DGKG: variants seen among roughly 807,000 people sequenced by gnomAD.
DGKG encodes the protein diacylglycerol kinase gamma.
DGKG carries 78 observed loss-of-function variants against 105.3 expected under a neutral mutation model. That is an observed-to-expected ratio of 0.74 (90% CI 0.62 to 0.89). The LOEUF (loss-of-function observed/expected upper bound fraction) is 0.89, where lower values mean the gene tolerates loss of function less well. Ranked by LOEUF, DGKG falls within the 40% of genes least tolerant of loss-of-function variation. The pLI, the probability that DGKG is intolerant of heterozygous loss-of-function variation, is 0.00. For synonymous variants in DGKG, 346 were observed against 367.1 expected, an observed-to-expected ratio of 0.94 and a Z score of 0.66; for missense variants, 958 against 1,020.1, an observed-to-expected ratio of 0.94 and a Z score of 0.83.
rs766223091 is a variant in DGKG at position 186,288,827 on chromosome 3, G to T, written c.427C>A (p.Pro143Thr). 1.9e-6 allele frequency: 3 copies of T among 1,610,184 alleles called. No individual in the cohort carries two copies. The highest frequency in any genetic ancestry group is 1.7e-6 in the Non-Finnish European group (2 of 1,178,192). Residue 143 changes from proline (P) to threonine (T), a missense_variant, in exon 6 of 25, where the codon CCC (proline) becomes ACC (threonine). Pro to Thr is a conservative substitution (Grantham distance 38). This residue lies in a region of DGKG where 643 missense variants were observed against 619.5 expected (regional missense o/e 1.04). Coordinates refer to ENST00000265022, the MANE Select transcript of DGKG (RefSeq NM_001346.3). ...APAEDQVAATPLEPPVPRSSS... is the reference protein window; with the variant it reads ...APAEDQVAATTLEPPVPRSSS... Reference sequence around the variant, plus strand: ...GACCGAGGGACGGGGGGTTCCAGGGGGGTCGCAGCCACTTGGTCTTCAGCT... The same window carrying T: ...GACCGAGGGACGGGGGGTTCCAGGGTGGTCGCAGCCACTTGGTCTTCAGCT...
chr3:186,160,611 T>C (rs1052192362), intron 24 of DGKG: 32 of 985,410 alleles, frequency 3.2e-5, no homozygotes, highest in Non-Finnish European at 3.9e-5. Flanking sequence ...AGAAGACAAT[T>C]TGATGTTCTG....
chr3:186,212,212 G>A (rs1204865342), intron 20 of DGKG, among the ~76,000 whole-genome samples: 4 of 152,186 alleles, frequency 2.6e-5, no homozygotes, highest in Non-Finnish European at 4.4e-5. Flanking sequence ...AGCCAGAGGT[G>A]GCAAATATCA....
intron 1 of DGKG, among the ~76,000 whole-genome samples, chr3:186,322,744 T>C (rs747925920): frequency 1.4e-4 from 21 of 152,156 alleles, no homozygotes; most frequent in Non-Finnish European, 2.8e-4. Context: ...TATTCAGATA[T>C]TCAGATGCCT....
At chr3:186,336,733 C>CAG (rs375563458) in intron 1 of DGKG, among the ~76,000 whole-genome samples, 8 of 150,558 alleles carry the variant, frequency 5.3e-5, no homozygotes, top group African/African-American at 1.2e-4. Flanking sequence ...GAGTATGAGA[C>CAG]AGAGAGAGAG....
intron 20 of DGKG, among the ~76,000 whole-genome samples, chr3:186,227,742 C>T (rs1719923850): frequency 6.6e-6 from 1 of 152,080 alleles, no homozygotes; most frequent in Admixed American, 6.5e-5. Flanking sequence ...TTTTTGAGAA[C>T]ATCTATTACC....
At chr3:186,290,462 TAACA>T (rs1477526570) in intron 5 of DGKG, among the ~76,000 whole-genome samples, 32 of 152,194 alleles carry the variant, frequency 2.1e-4, no homozygotes, top group African/African-American at 7.7e-4. Context: ...TAAAATGGGC[TAACA>T]GAGACCAGAT....
chr3:186,161,561 A>T, intron 24 of DGKG, 42 bp downstream of exon 24: 1 of 1,613,952 alleles, frequency 6.2e-7, no homozygotes, highest in Non-Finnish European at 8.5e-7. Context: ...GGGCTCAAAA[A>T]TAAGGCTTCT....
At chr3:186,348,722 T>C (rs1480212121) in intron 1 of DGKG, among the ~76,000 whole-genome samples, 1 of 152,104 alleles carries the variant, frequency 6.6e-6, no homozygotes, top group African/African-American at 2.4e-5. Context: ...AAGTGCTTGA[T>C]TTATAGGCAT....
At chr3:186,336,228 C>G (rs1320204542) in intron 1 of DGKG, among the ~76,000 whole-genome samples, 1 of 152,182 alleles carries the variant, frequency 6.6e-6, no homozygotes, top group African/African-American at 2.4e-5. Flanking sequence ...TGTCCTTTCC[C>G]TTCCACGAAG....
chr3:186,219,582 G>A (rs1030980508), intron 20 of DGKG, among the ~76,000 whole-genome samples: 4 of 152,162 alleles, frequency 2.6e-5, no homozygotes, highest in African/African-American at 9.7e-5. Context: ...TTCAAGGCGC[G>A]AGGTATTCCC....
At position 186,275,662 on chromosome 3, in the gene DGKG, G is replaced by A. The variant is rs747706147; in HGVS notation, c.795C>T (p.Gly265=). Residue 265 remains glycine (G), a splice_region_variant and synonymous_variant, in exon 10 of 25, where the codon GGC becomes GGT. Coordinates refer to ENST00000265022, the MANE Select transcript of DGKG (RefSeq NM_001346.3). ...LLVLLGMDDS[G]SKGDGRHAWT... ...AGGCGTGCCGCCCATCCCCCTTGGAGCCCTGCAGGGGTAATAGGAGGTGAG... is the reference window on the plus strand; with the variant it reads ...AGGCGTGCCGCCCATCCCCCTTGGAACCCTGCAGGGGTAATAGGAGGTGAG... 2 of 1,613,288 alleles carry A rather than the reference G, an allele frequency of 1.2e-6. No homozygotes were observed. The highest frequency in any genetic ancestry group is 2.2e-5 in the South Asian group (2 of 91,000).
chr3:186,299,835 T>TTCTTTCTC (rs1723822014), intron 3 of DGKG, among the ~76,000 whole-genome samples: 1 of 113,204 alleles, frequency 8.8e-6, no homozygotes, highest in African/African-American at 3.4e-5. Context: ...CTTTCTTTCT[T>TTCTTTCTC]TCTTTTTTTT....
At chr3:186,327,122 C>T (rs1358647378) in intron 1 of DGKG, among the ~76,000 whole-genome samples, 1 of 152,096 alleles carries the variant, frequency 6.6e-6, no homozygotes, top group Non-Finnish European at 1.5e-5. Context: ...TATAATTGCA[C>T]CATTGCACTC....
At chr3:186,169,088 C>G (rs1417185686) in intron 22 of DGKG, among the ~76,000 whole-genome samples, 1 of 152,124 alleles carries the variant, frequency 6.6e-6, no homozygotes, top group African/African-American at 2.4e-5. Context: ...CAGGAAATCT[C>G]CCTACCCCCA....
intron 9 of DGKG, among the ~76,000 whole-genome samples, chr3:186,276,552 G>A (rs577749321): frequency 2.8e-4 from 43 of 152,288 alleles, no homozygotes; most frequent in Non-Finnish European, 4.0e-4. Flanking sequence ...CTTTCGGTAC[G>A]CAGAAAAAAT....
In DGKG at chr3:186,334,016, G is replaced by A. The variant is rs758427295; in HGVS notation, c.-248-13309C>T. 7.2e-5 allele frequency among the ~76,000 whole-genome samples: 11 copies of A among 152,186 alleles called. No homozygotes were observed. The East Asian group carries it at 1.7e-3, about 24-fold the overall frequency. On this transcript the variant is annotated intron_variant, in intron 1 of 24. Coordinates refer to ENST00000265022, the MANE Select transcript of DGKG (RefSeq NM_001346.3). ...GTCATCATTCTCCACTTCATGAAGC[G>A]CTTGTGTTCTCCCTCCCCTCTCTCT...
chr3:186,354,967 C>G (rs1726838396), intron 1 of DGKG, among the ~76,000 whole-genome samples: 1 of 152,038 alleles, frequency 6.6e-6, no homozygotes, highest in African/African-American at 2.4e-5. Flanking sequence ...TTCTATGACG[C>G]CAGAAATTCT....
intron 24 of DGKG, chr3:186,161,370 T>C (rs960651840): frequency 5.1e-6 from 7 of 1,382,636 alleles, no homozygotes; most frequent in African/African-American, 1.5e-5. Flanking sequence ...GTTGGTTCTA[T>C]GTCTCATTCA....
chr3:186,330,922 C>A (rs1056779159), intron 1 of DGKG, among the ~76,000 whole-genome samples: 1 of 152,146 alleles, frequency 6.6e-6, no homozygotes, highest in Non-Finnish European at 1.5e-5. Context: ...GTTATGTAAT[C>A]GTAGATAACC....
Sources: gnomAD v4.1 joint callset for allele counts (sites outside exome capture counted in the v4.1 genomes callset) on GRCh38, gnomAD v4.1.1 for gene constraint, gnomAD v4.1.1 regional missense constraint, MANE v1.5 for transcripts, NCBI Gene and HGNC (gene_info 2026-07-23, HGNC 2026-07-21) for gene names.